KLF13: variants seen among roughly 807,000 people sequenced by gnomAD.
The protein encoded by KLF13 is KLF transcription factor 13, also known as Krueppel-like factor 13.
In KLF13, 8 loss-of-function variants were observed where a neutral mutation model predicts 16.7. The observed-to-expected ratio is 0.48, with a 90% confidence interval of 0.28 to 0.87. The LOEUF is 0.87. KLF13 is among the 40% of genes least tolerant of loss of function. The pLI is 0.10. For synonymous variants in KLF13, 245 were observed against 208.4 expected (o/e 1.18, Z -1.51); for missense variants, 447 against 452.2 (o/e 0.99, Z 0.10).
At chr15:31,404,239 A>G (rs2040081625) in exon 3 of KLF13, 1 of 152,210 alleles carries the variant, frequency 6.6e-6, no homozygotes, top group African/African-American at 2.4e-5. Flanking sequence ...GAGCCCCGTA[A>G]GTGTGCAGGA....
intron 1 of KLF13, among the ~76,000 whole-genome samples, chr15:31,364,136 G>A (rs1422761033): frequency 2.1e-5 from 2 of 94,054 alleles, no homozygotes; most frequent in African/African-American, 7.8e-5. Flanking sequence ...TTTCCCCCAC[G>A]TCATTGTTTT....
upstream of KLF13, among the ~76,000 whole-genome samples, chr15:31,390,148 G>T (rs2039842323): frequency 6.6e-6 from 1 of 151,960 alleles, no homozygotes; most frequent in Admixed American, 6.6e-5. Flanking sequence ...GACCTCCCCT[G>T]CCCTCTCCTA....
At chr15:31,341,486 T>C (rs1462821523) in intron 1 of KLF13, among the ~76,000 whole-genome samples, 1 of 150,814 alleles carries the variant, frequency 6.6e-6, no homozygotes, top group African/African-American at 2.4e-5. Context: ...AACAGACACA[T>C]AGACAATTCA....
At chr15:31,407,686 A>G (rs2040145309), downstream of KLF13, among the ~76,000 whole-genome samples, 1 of 152,224 alleles carries the variant, frequency 6.6e-6, no homozygotes, top group African/African-American at 2.4e-5. Flanking sequence ...ACAGAACTAA[A>G]TCAATATTGC....
At chr15:31,422,058 T>A (rs987343715) in intron 1 of KLF13, among the ~76,000 whole-genome samples, 8 of 150,752 alleles carry the variant, frequency 5.3e-5, no homozygotes, top group Non-Finnish European at 4.4e-5. Flanking sequence ...GAGGTTGCAG[T>A]GAGCTGAGAC....
Position 31,397,389 on chromosome 15 carries a change from C to T in KLF13, n.529+3698C>T, listed in dbSNP as rs750826989. Among the ~76,000 whole-genome samples the T allele has an allele frequency of 3.3e-5, 5 of 152,376 alleles. No individual in the cohort carries two copies. In the South Asian group the frequency reaches 1.0e-3, roughly 32 times the overall value. ...AGCCGCCGACCCCGCCCATTGCCGACCATTCTCAGGCCTGGGGCGGTGGCG... is the reference window on the plus strand; with the variant it reads ...AGCCGCCGACCCCGCCCATTGCCGATCATTCTCAGGCCTGGGGCGGTGGCG... On this transcript the variant is annotated intron_variant and non_coding_transcript_variant, in intron 2 of 2. Coordinates refer to the KLF13 transcript ENST00000500533.
At chr15:31,405,444 G>C (rs147114042), downstream of KLF13, among the ~76,000 whole-genome samples, 11 of 152,350 alleles carry the variant, frequency 7.2e-5, no homozygotes, top group African/African-American at 2.6e-4. Flanking sequence ...CAAATATGCT[G>C]GCGCCTTAAT....
At chr15:31,412,767 T>C (rs1383261107) in intron 1 of KLF13, among the ~76,000 whole-genome samples, 1 of 152,208 alleles carries the variant, frequency 6.6e-6, no homozygotes, top group Non-Finnish European at 1.5e-5. Flanking sequence ...TCATTGGAAT[T>C]GACTTCTTGT....
At position 31,374,429 on chromosome 15, in the gene KLF13, G is replaced by A. The variant is rs994710266; in HGVS notation, c.*2130G>A. The A allele has an allele frequency of 1.3e-5, 2 of 152,608 alleles. No homozygotes were observed. The highest frequency in any genetic ancestry group is 4.8e-5 in the African/African-American group (2 of 41,438). The allele number at this position is 152,608 out of a possible 1,614,324, so 9.5% of individuals were successfully genotyped here. ...GCTTGCATTGGGTCTGGGAGAGAGA[G>A]TGGAATATTTGGTAGGGACCTTGAC... On this transcript the variant is annotated 3_prime_UTR_variant, in exon 2 of 2. Coordinates refer to ENST00000307145, the MANE Select transcript of KLF13 (RefSeq NM_015995.4).
chr15:31,413,194 A>C (rs1452117972), intron 1 of KLF13, among the ~76,000 whole-genome samples: 1 of 149,904 alleles, frequency 6.7e-6, no homozygotes, highest in Non-Finnish European at 1.5e-5. Flanking sequence ...AGACAAAAAA[A>C]AAAAAAAACA....
In KLF13 at chr15:31,412,394, C is replaced by T. The variant is rs182188648; in HGVS notation, n.117+18703C>T. On this transcript the variant is annotated intron_variant and non_coding_transcript_variant, in intron 1 of 1. Transcript: ENST00000558225. ...CATGGCAAGACAAGACATAAAATAT[C>T]GTAGTTTGTAAAGGAATAATTTGCC... Among the ~76,000 whole-genome samples, 5 of 151,708 alleles carry T rather than the reference C, an allele frequency of 3.3e-5. No homozygotes were observed. The East Asian group carries it at 5.8e-4, about 18-fold the overall frequency.
chr15:31,360,282 T>A (rs1354017238), intron 1 of KLF13, among the ~76,000 whole-genome samples: 1 of 152,194 alleles, frequency 6.6e-6, no homozygotes, highest in African/African-American at 2.4e-5. Context: ...CGGGCAGGCC[T>A]GTGCCGGGAA....
intron 1 of KLF13, among the ~76,000 whole-genome samples, chr15:31,335,955 C>T (rs1291925738): frequency 6.6e-6 from 1 of 152,264 alleles, no homozygotes; most frequent in Non-Finnish European, 1.5e-5. Context: ...GGCCTCCTGT[C>T]TCAGGAGAAA....
At chr15:31,403,119 G>C (rs955120367) in intron 2 of KLF13, among the ~76,000 whole-genome samples, 4 of 152,182 alleles carry the variant, frequency 2.6e-5, no homozygotes, top group Non-Finnish European at 4.4e-5. Context: ...AGTCTATCTT[G>C]ATCCCCAAAA....
At position 31,423,127 on chromosome 15, in the gene KLF13, A is replaced by ATATATGTATATG. The variant is rs1566848216; in HGVS notation, n.118-12239_118-12238insTGTATATGTATA. Among the ~76,000 whole-genome samples the ATATATGTATATG allele has an allele frequency of 1.4e-4, 16 of 112,718 alleles. 1 individual carries two copies. The highest frequency in any genetic ancestry group is 3.2e-4 in the African/African-American group (7 of 22,120). The allele number at this position is 112,718 out of a possible 152,430, so 73.9% of individuals were successfully genotyped here. A position where few individuals can be genotyped will look rare whatever the true frequency, so the allele number is the denominator to read the frequency against. ...TATACGTATACGTATATATACGTATATATACGTATACGTATACGTATATAT... is the reference window on the plus strand; with the variant it reads ...TATACGTATACGTATATATACGTATATATATGTATATGTATACGTATACGTATACGTATATAT... On this transcript the variant is annotated intron_variant and non_coding_transcript_variant, in intron 1 of 1. Transcript: ENST00000558225.
chr15:31,390,928 A>G (rs2140982373), upstream of KLF13, among the ~76,000 whole-genome samples: 1 of 149,284 alleles, frequency 6.7e-6, no homozygotes, highest in South Asian at 2.2e-4. Flanking sequence ...GTCTGGTGGG[A>G]GCCTTTCTGG....
At chr15:31,389,921 C>T (rs1041750605), upstream of KLF13, among the ~76,000 whole-genome samples, 4 of 152,170 alleles carry the variant, frequency 2.6e-5, no homozygotes, top group Non-Finnish European at 4.4e-5. Flanking sequence ...TTCTTAGCAT[C>T]CAGAGCAAAT....
intron 1 of KLF13, among the ~76,000 whole-genome samples, chr15:31,411,397 T>TTC (rs2040191530): frequency 7.4e-6 from 1 of 134,492 alleles, no homozygotes; most frequent in African/African-American, 3.3e-5. Context: ...ACATTTTTTT[T>TTC]TTCTTTTTTT....
At chr15:31,407,526 G>A (rs1194776761), downstream of KLF13, among the ~76,000 whole-genome samples, 1 of 152,126 alleles carries the variant, frequency 6.6e-6, no homozygotes, top group African/African-American at 2.4e-5. Flanking sequence ...TATTAATCAT[G>A]AAAGCAAAAA....
Sources: gnomAD v4.1 joint callset for allele counts (sites outside exome capture counted in the v4.1 genomes callset) on GRCh38, gnomAD v4.1.1 for gene constraint, MANE v1.5 for transcripts, NCBI Gene and HGNC (gene_info 2026-07-23, HGNC 2026-07-21) for gene names.